ADGB: variants seen among roughly 807,000 people sequenced by gnomAD.
ADGB encodes calpain-7-like protein.
ADGB carries 172 observed loss-of-function variants against 210.5 expected under a neutral mutation model. The ratio of observed to expected loss-of-function variants is 0.82; its 90% CI spans 0.72 to 0.93. The LOEUF is 0.93. Ranked by LOEUF, ADGB falls within the 40% of genes least tolerant of loss-of-function variation. The pLI, the probability that ADGB is intolerant of heterozygous loss-of-function variation, is 0.00. For synonymous variants in ADGB, 658 were observed against 662.7 expected, an observed-to-expected ratio of 0.99 and a Z score of 0.11; for missense variants, 2,025 against 1,964.8, an observed-to-expected ratio of 1.03 and a Z score of -0.58.
At chr6:146,645,395 C>A (rs1198549778) in intron 3 of ADGB, among the ~76,000 whole-genome samples, 2 of 151,962 alleles carry the variant, frequency 1.3e-5, no homozygotes, top group East Asian at 3.9e-4. Context: ...TTTTAAATAG[C>A]ACTTATAGAG....
At chr6:146,805,077 C>T (rs1008476798) in intron 35 of ADGB, among the ~76,000 whole-genome samples, 7 of 152,150 alleles carry the variant, frequency 4.6e-5, no homozygotes, top group African/African-American at 1.7e-4. Context: ...GTGTCCAGTG[C>T]GGTTCAATAG....
At chr6:146,610,384 A>C (rs780700754) in intron 1 of ADGB, among the ~76,000 whole-genome samples, 2 of 152,160 alleles carry the variant, frequency 1.3e-5, no homozygotes, top group Non-Finnish European at 2.9e-5. Flanking sequence ...CTGGGGAGCT[A>C]GTATGGTCAT....
At chr6:146,813,478 G>A (rs1450945822) in intron 35 of ADGB, among the ~76,000 whole-genome samples, 1 of 152,064 alleles carries the variant, frequency 6.6e-6, no homozygotes, top group Admixed American at 6.5e-5. Context: ...CACTTTGTAT[G>A]TGTATTTATT....
At chr6:146,711,312 C>A (rs1483587980) in intron 13 of ADGB, among the ~76,000 whole-genome samples, 1 of 152,096 alleles carries the variant, frequency 6.6e-6, no homozygotes, top group African/African-American at 2.4e-5. Context: ...CTCTATCCAT[C>A]ATTTTCTACA....
chr6:146,645,822 T>G (rs2876655), intron 3 of ADGB, among the ~76,000 whole-genome samples: 47,133 of 151,838 alleles, frequency 0.31, 8,150 homozygotes, highest in Middle Eastern at 0.41. Context: ...GCCAGAGCAT[T>G]TTTTGAATGC....
At chr6:146,757,915 G>A (rs1400031248) in intron 27 of ADGB, among the ~76,000 whole-genome samples, 6 of 152,044 alleles carry the variant, frequency 3.9e-5, no homozygotes, top group Admixed American at 2.0e-4. Flanking sequence ...ACTTTGAGGA[G>A]AATTGAAGAA....
At chr6:146,709,668 G>T (rs1776632023) in intron 13 of ADGB, among the ~76,000 whole-genome samples, 1 of 152,174 alleles carries the variant, frequency 6.6e-6, no homozygotes, top group Admixed American at 6.5e-5. Context: ...GGGTGGCCTG[G>T]ACCCTAGGCC....
At chr6:146,723,025 G>C (rs568376237) in intron 17 of ADGB, among the ~76,000 whole-genome samples, 2 of 152,304 alleles carry the variant, frequency 1.3e-5, no homozygotes, top group African/African-American at 4.8e-5. Context: ...GCTTAATACT[G>C]AATGTTTTGT....
intron 7 of ADGB, 22 bp downstream of exon 7, chr6:146,666,924 C>G (rs1775944006): frequency 2.0e-6 from 3 of 1,469,680 alleles, no homozygotes; most frequent in Non-Finnish European, 2.8e-6. Context: ...TATTAAATTG[C>G]TCATATCTAT....
rs770935625 is a variant in ADGB, at chr6:146,721,496, G to A, written c.2086G>A (p.Glu696Lys). ...VCFSALVRWG[E>K]YGALTKDSPP... Reference sequence around the variant, plus strand: ...CTTTTCTGCATTGGTACGCTGGGGGGAGTATGGAGGTAAGAGGGCTCTGAG... The same window carrying A: ...CTTTTCTGCATTGGTACGCTGGGGGAAGTATGGAGGTAAGAGGGCTCTGAG... The change falls in exon 17 of 36, where the codon GAG (glutamate) becomes AAG (lysine). Residue 696 changes from glutamate to lysine, a missense_variant. Glu to Lys is a moderately conservative substitution (Grantham distance 56, BLOSUM62 1). Coordinates refer to ENST00000397944, the MANE Select transcript of ADGB (RefSeq NM_024694.4). 61 of 1,543,528 alleles carry A rather than the reference G, an allele frequency of 4.0e-5. 1 individual carries two copies. The Middle Eastern group carries it at 6.7e-4, about 17-fold the overall frequency.
At chr6:146,798,466 T>C (rs1562304012) in intron 33 of ADGB, among the ~76,000 whole-genome samples, 1 of 152,214 alleles carries the variant, frequency 6.6e-6, no homozygotes, top group East Asian at 1.9e-4. Context: ...ACGGTAAACA[T>C]CATACTTAAA....
chr6:146,651,724 T>G (rs1442327153), intron 3 of ADGB, among the ~76,000 whole-genome samples: 1 of 152,142 alleles, frequency 6.6e-6, no homozygotes, highest in African/African-American at 2.4e-5. Context: ...TATGCCTGGT[T>G]TATTTCAAAA....
chr6:146,771,020 C>A (rs1777643094), intron 29 of ADGB, among the ~76,000 whole-genome samples: 1 of 152,058 alleles, frequency 6.6e-6, no homozygotes, highest in South Asian at 2.1e-4. Flanking sequence ...GACAAGGCTT[C>A]GATCTCATAT....
Position 146,749,819 on chromosome 6 carries a change from C to G in ADGB, c.3366-2711C>G, listed in dbSNP as rs202202319. On this transcript the variant is annotated intron_variant, in intron 26 of 35. Transcript: ENST00000397944. Reference sequence around the variant, plus strand: ...CAGGAAGAGTCTTCACATGGCAGAGCAGGAGAGAGAGAGAGAGAGAGAAGG... The same window carrying G: ...CAGGAAGAGTCTTCACATGGCAGAGGAGGAGAGAGAGAGAGAGAGAGAAGG... Among the ~76,000 whole-genome samples, 8 of 151,850 alleles carry G rather than the reference C, an allele frequency of 5.3e-5. No individual in the cohort carries two copies. In the East Asian group the frequency reaches 1.5e-3, roughly 29 times the overall value.
At chr6:146,742,391 T>G (rs1309544895) in intron 25 of ADGB, among the ~76,000 whole-genome samples, 1 of 151,940 alleles carries the variant, frequency 6.6e-6, no homozygotes, top group Non-Finnish European at 1.5e-5. Flanking sequence ...TTATTAAATT[T>G]GATATTATCA....
chr6:146,773,535 C>A (rs1368062937), intron 29 of ADGB, among the ~76,000 whole-genome samples: 1 of 152,116 alleles, frequency 6.6e-6, no homozygotes, highest in African/African-American at 2.4e-5. Flanking sequence ...GCTATTATGT[C>A]CATCTTACTC....
At chr6:146,623,006 G>T (rs189282349) in intron 1 of ADGB, among the ~76,000 whole-genome samples, 1 of 151,990 alleles carries the variant, frequency 6.6e-6, no homozygotes, top group African/African-American at 2.4e-5. Flanking sequence ...AAAATCAGCT[G>T]TCCATATGAA....
At chr6:146,654,038 T>C in intron 3 of ADGB, 97 bp from the exon 4 acceptor site, 2 of 749,288 alleles carry the variant, frequency 2.7e-6, no homozygotes, top group Non-Finnish European at 4.0e-6. Context: ...ATTCAAAAAA[T>C]TGCAACTTCA....
At chr6:146,685,399 A>G (rs1316070154) in intron 9 of ADGB, among the ~76,000 whole-genome samples, 1 of 152,062 alleles carries the variant, frequency 6.6e-6, no homozygotes, top group Non-Finnish European at 1.5e-5. Flanking sequence ...GCTTCAATTT[A>G]AAAATAATTC....
Sources: gnomAD v4.1 joint callset for allele counts (sites outside exome capture counted in the v4.1 genomes callset) on GRCh38, gnomAD v4.1.1 for gene constraint, MANE v1.5 for transcripts, NCBI Gene and HGNC (gene_info 2026-07-23, HGNC 2026-07-21) for gene names.